The following ZBTB46 variants were observed in gnomAD, a reference collection of about 807,000 sequenced individuals.
ZBTB46 encodes the protein zinc finger and BTB domain-containing protein 46.
In ZBTB46, 8 loss-of-function variants were observed where a neutral mutation model predicts 44.1. That is an observed-to-expected ratio of 0.18 (90% CI 0.11 to 0.33). ZBTB46 has a LOEUF of 0.33. ZBTB46 is among the 10% of genes least tolerant of loss of function. The probability of loss-of-function intolerance (pLI) is 1.00; values close to 1 mark genes in which losing one functional copy is unlikely to be tolerated. For missense variants in ZBTB46, 651 were observed against 847.7 expected (o/e 0.77, Z 2.88); for synonymous variants, 409 against 382.3 (o/e 1.07, Z -0.81).
At chr20:63,809,534 C>T (rs1190000709) in intron 1 of ZBTB46, among the ~76,000 whole-genome samples, 1 of 152,148 alleles carries the variant, frequency 6.6e-6, no homozygotes, top group African/African-American at 2.4e-5. Flanking sequence ...GCAGGAGCTC[C>T]GCGACCTCCC....
intron 3 of ZBTB46, among the ~76,000 whole-genome samples, chr20:63,764,889 G>A (rs1014034546): frequency 2.0e-5 from 3 of 151,734 alleles, no homozygotes; most frequent in African/African-American, 7.3e-5. Context: ...GTGAGCCACT[G>A]CACCTGGCCC....
rs1414132626 is a variant in ZBTB46 at position 63,790,578 on chromosome 20, G to A, written c.180C>T (p.Tyr60=). Reference sequence around the variant, plus strand: ...GCTCCGACGTCTTCTGCACCTGGCAGTAGAGCGTCTTGAAGTAGCGGCTGC... The same window carrying A: ...GCTCCGACGTCTTCTGCACCTGGCAATAGAGCGTCTTGAAGTAGCGGCTGC... The part of the protein sequence containing the change: ...LGSSRYFKTL[Y]CQVQKTSEQA... Residue 60 remains tyrosine (Y), a synonymous_variant, in exon 2 of 5, where the codon TAC becomes TAT. Transcript: ENST00000245663. 6.2e-7 allele frequency: 1 copy of A among 1,613,276 alleles called. No homozygotes were observed. The highest frequency in any genetic ancestry group is 1.7e-5 in the Admixed American group (1 of 60,020).
chr20:63,781,335 G>A (rs1010760778), intron 2 of ZBTB46, among the ~76,000 whole-genome samples: 78 of 152,152 alleles, frequency 5.1e-4, no homozygotes, highest in African/African-American at 1.8e-3. Context: ...GCAGGTGCCC[G>A]ATGCTCATCA....
chr20:63,797,955 T>C (rs941848816), intron 1 of ZBTB46, among the ~76,000 whole-genome samples: 1 of 152,240 alleles, frequency 6.6e-6, no homozygotes, highest in African/African-American at 2.4e-5. Context: ...GTAGGTTGCC[T>C]GTTCACTCTG....
intron 1 of ZBTB46, among the ~76,000 whole-genome samples, chr20:63,792,304 A>G (rs1316248229): frequency 6.6e-6 from 1 of 152,198 alleles, no homozygotes; most frequent in Non-Finnish European, 1.5e-5. Context: ...TCTCCAGCTG[A>G]TAAGTCAAGT....
chr20:63,799,876 C>T (rs1219298662), intron 1 of ZBTB46, among the ~76,000 whole-genome samples: 1 of 152,130 alleles, frequency 6.6e-6, no homozygotes, highest in South Asian at 2.1e-4. Context: ...GCACATGGAA[C>T]GGTGCAGCCG....
At chr20:63,830,394 TCCGCCCCGCGCGCCCCGA>T (rs1343831210) in intron 1 of ZBTB46, among the ~76,000 whole-genome samples, 2 of 148,420 alleles carry the variant, frequency 1.3e-5, no homozygotes, top group Non-Finnish European at 3.0e-5. Flanking sequence ...GCGCGCCCCG[TCCGCCCCGCGCGCCCCGA>T]GCCCTCCGCG....
At chr20:63,813,180 G>T in intron 1 of ZBTB46, among the ~76,000 whole-genome samples, 1 of 152,144 alleles carries the variant, frequency 6.6e-6, no homozygotes, top group East Asian at 1.9e-4. Flanking sequence ...CAGGCACGGT[G>T]GCTCACACCT....
intron 3 of ZBTB46, chr20:63,775,403 T>C (rs906649845): frequency 3.1e-5 from 12 of 386,374 alleles, no homozygotes; most frequent in Non-Finnish European, 5.1e-5. Flanking sequence ...CAACGACTCC[T>C]GTGAGAAACA....
intron 1 of ZBTB46, among the ~76,000 whole-genome samples, chr20:63,806,511 A>G (rs1480350906): frequency 6.6e-6 from 1 of 152,130 alleles, no homozygotes; most frequent in African/African-American, 2.4e-5. Flanking sequence ...GCTAACTCTG[A>G]CCTGAAATGG....
chr20:63,773,178 C>T (rs188138517), intron 3 of ZBTB46, among the ~76,000 whole-genome samples: 167 of 150,628 alleles, frequency 1.1e-3, no homozygotes, highest in Non-Finnish European at 1.9e-3. Flanking sequence ...GGCTGTCAGA[C>T]GCAGAAACAG....
intron 1 of ZBTB46, among the ~76,000 whole-genome samples, chr20:63,828,066 G>A (rs1164924077): frequency 2.2e-4 from 34 of 152,240 alleles, no homozygotes; most frequent in Admixed American, 2.2e-3. Context: ...GATTACAGGC[G>A]TGAGCCACCA....
At chr20:63,813,669 A>C (rs1286812452) in intron 1 of ZBTB46, among the ~76,000 whole-genome samples, 1 of 152,066 alleles carries the variant, frequency 6.6e-6, no homozygotes, top group Non-Finnish European at 1.5e-5. Flanking sequence ...ACAGAACCAA[A>C]ACTGATCCTT....
intron 3 of ZBTB46, among the ~76,000 whole-genome samples, chr20:63,769,625 A>G (rs1294049282): frequency 6.6e-6 from 1 of 152,100 alleles, no homozygotes; most frequent in Non-Finnish European, 1.5e-5. Context: ...AGTGATTCCA[A>G]CAGAGGGTTT....
At position 63,789,941 on chromosome 20, in the gene ZBTB46, G is replaced by A; in HGVS notation, c.817C>T (p.Arg273Trp). Residue 273 changes from arginine (R) to tryptophan (W), a missense_variant, in exon 2 of 5, where the codon CGG becomes TGG. Coordinates refer to ENST00000245663, the MANE Select transcript of ZBTB46 (RefSeq NM_001369741.1). ...AWQPTGRRKNRKNKETVRHIT... is the reference protein window; with the variant it reads ...AWQPTGRRKNWKNKETVRHIT... ...TGCCGGACGGTCTCTTTGTTTTTCC[G>A]ATTCTTCCTTCGGCCCGTGGGCTGC... The A allele has an allele frequency of 6.2e-7, 1 of 1,614,080 alleles. No homozygotes were observed. The highest frequency in any genetic ancestry group is 8.5e-7 in the Non-Finnish European group (1 of 1,180,040).
intron 1 of ZBTB46, among the ~76,000 whole-genome samples, chr20:63,808,864 C>G (rs2092699448): frequency 6.6e-6 from 1 of 151,106 alleles, no homozygotes; most frequent in Non-Finnish European, 1.5e-5. Flanking sequence ...GCAGTCCCAG[C>G]TACTCGGGAG....
chr20:63,785,473 T>G (rs2092507351), intron 2 of ZBTB46, among the ~76,000 whole-genome samples: 1 of 151,904 alleles, frequency 6.6e-6, no homozygotes, highest in Non-Finnish European at 1.5e-5. Flanking sequence ...GGCAGGAGAA[T>G]CACTTGAACC....
chr20:63,828,657 C>T (rs2092832242), intron 1 of ZBTB46, among the ~76,000 whole-genome samples: 1 of 152,252 alleles, frequency 6.6e-6, no homozygotes, highest in Non-Finnish European at 1.5e-5. Flanking sequence ...ACGAAGTCCC[C>T]AGGACAGGGA....
chr20:63,750,522 T>G (rs1435551993), intron 4 of ZBTB46, among the ~76,000 whole-genome samples: 1 of 152,066 alleles, frequency 6.6e-6, no homozygotes, highest in East Asian at 1.9e-4. Flanking sequence ...TACAGGCATG[T>G]GCCACCACAC....
Sources: allele counts gnomAD v4.1 joint callset (sites outside exome capture counted in the v4.1 genomes callset), GRCh38; gene constraint gnomAD v4.1.1; transcripts MANE v1.5; gene names NCBI Gene and HGNC (gene_info 2026-07-23, HGNC 2026-07-21).